The following SORCS2 variants were observed in gnomAD, a reference collection of about 807,000 sequenced individuals.
SORCS2 encodes the protein VPS10 domain-containing receptor SorCS2.
In SORCS2, 100 loss-of-function variants were observed where a neutral mutation model predicts 141.6. That is an observed-to-expected ratio of 0.71 (90% CI 0.60 to 0.83). The LOEUF (loss-of-function observed/expected upper bound fraction) is 0.83, where lower values mean the gene tolerates loss of function less well. Ranked by LOEUF, SORCS2 falls within the 40% of genes least tolerant of loss-of-function variation. The pLI is 0.00. For missense variants in SORCS2, 1,646 were observed against 1,560.2 expected (o/e 1.05, Z -0.93); for synonymous variants, 789 against 676.9 (o/e 1.17, Z -2.57).
intron 3 of SORCS2, among the ~76,000 whole-genome samples, chr4:7,608,896 C>T (rs539271964): frequency 2.0e-5 from 3 of 152,044 alleles, no homozygotes; most frequent in East Asian, 1.9e-4. Context: ...CAAAGGGAGC[C>T]GCTCATATGT....
chr4:7,651,559 C>T (rs536847938), intron 4 of SORCS2, among the ~76,000 whole-genome samples: 2 of 152,278 alleles, frequency 1.3e-5, no homozygotes, highest in African/African-American at 2.4e-5. Context: ...GGGATGGCAC[C>T]GTGCCCAAGA....
intron 1 of SORCS2, among the ~76,000 whole-genome samples, chr4:7,316,753 G>C (rs6850248): frequency 0.6 from 90,602 of 152,032 alleles, 27,078 homozygotes; most frequent in South Asian, 0.72. Flanking sequence ...TGTACAGTTC[G>C]CAGCCATTCT....
chr4:7,482,581 C>T (rs1260304810), intron 2 of SORCS2, among the ~76,000 whole-genome samples: 2 of 89,680 alleles, frequency 2.2e-5, no homozygotes, highest in East Asian at 3.7e-4. Context: ...ATCCCCACTG[C>T]GGACACCCCT....
At chr4:7,649,693 G>A (rs1026703298) in intron 4 of SORCS2, among the ~76,000 whole-genome samples, 3 of 152,148 alleles carry the variant, frequency 2.0e-5, no homozygotes, top group African/African-American at 7.2e-5. Context: ...TTAGGCCCAG[G>A]CGGGCTTCCA....
chr4:7,255,148 C>G (rs2108811484), intron 1 of SORCS2, among the ~76,000 whole-genome samples: 1 of 152,110 alleles, frequency 6.6e-6, no homozygotes, highest in South Asian at 2.1e-4. Flanking sequence ...ATTCACTCAG[C>G]AAGGCACTGA....
At chr4:7,245,992 G>C (rs1713054336) in intron 1 of SORCS2, among the ~76,000 whole-genome samples, 1 of 152,176 alleles carries the variant, frequency 6.6e-6, no homozygotes, top group African/African-American at 2.4e-5. Context: ...GATACTCCCG[G>C]GGTGCATTTT....
intron 1 of SORCS2, among the ~76,000 whole-genome samples, chr4:7,229,063 C>A (rs1160514606): frequency 6.6e-6 from 1 of 152,184 alleles, no homozygotes; most frequent in East Asian, 1.9e-4. Flanking sequence ...TGCACCCAGG[C>A]CCCTTTGATT....
rs1026700781 is a variant in SORCS2, at chr4:7,736,380, G to A, written c.3312-689G>A. On this transcript the variant is annotated intron_variant, in intron 25 of 26. Coordinates refer to ENST00000507866, the MANE Select transcript of SORCS2 (RefSeq NM_020777.3). Reference sequence around the variant, plus strand: ...AGGTCCCGCCCCACCCCATCCTGCCGTTAAAATGTTTCCAGAGGGCTGGCG... The same window carrying A: ...AGGTCCCGCCCCACCCCATCCTGCCATTAAAATGTTTCCAGAGGGCTGGCG... 1.9e-4 allele frequency among the ~76,000 whole-genome samples: 29 copies of A among 152,338 alleles called. 1 individual carries two copies. Among genetic ancestry groups the A allele is most frequent in the Admixed American group, 7.2e-4 (11 of 15,302 alleles).
intron 3 of SORCS2, among the ~76,000 whole-genome samples, chr4:7,619,551 G>A (rs1283477464): frequency 6.6e-6 from 1 of 152,186 alleles, no homozygotes; most frequent in Non-Finnish European, 1.5e-5. Context: ...CCCTGGAATT[G>A]GTATTAGGCA....
At chr4:7,531,211 C>A (rs1161293163) in intron 2 of SORCS2, among the ~76,000 whole-genome samples, 1 of 152,204 alleles carries the variant, frequency 6.6e-6, no homozygotes, top group Non-Finnish European at 1.5e-5. Flanking sequence ...CATGTGGTAA[C>A]CTAGAGCTGC....
chr4:7,612,432 C>T (rs779427650), intron 3 of SORCS2, among the ~76,000 whole-genome samples: 6 of 152,102 alleles, frequency 3.9e-5, no homozygotes, highest in Non-Finnish European at 7.4e-5. Context: ...CGATGGGGGT[C>T]GGGGGTCTGG....
chr4:7,336,847 C>T (rs1224969690), intron 1 of SORCS2, among the ~76,000 whole-genome samples: 1 of 152,154 alleles, frequency 6.6e-6, no homozygotes, highest in African/African-American at 2.4e-5. Flanking sequence ...GGCTGTGTCC[C>T]CACGGAGCTG....
chr4:7,378,399 ATG>A (rs1322282471), intron 1 of SORCS2, among the ~76,000 whole-genome samples: 1 of 121,388 alleles, frequency 8.2e-6, no homozygotes, highest in East Asian at 1.2e-3. Context: ...ACAGTTCCAC[ATG>A]GCTGGGGAGG....
intron 2 of SORCS2, among the ~76,000 whole-genome samples, chr4:7,521,937 G>A (rs964086174): frequency 6.6e-5 from 10 of 152,338 alleles, no homozygotes; most frequent in Admixed American, 5.9e-4. Context: ...GTAAGCAGGG[G>A]ACAAGCTGGA....
At chr4:7,215,594 G>A (rs889796744) in intron 1 of SORCS2, among the ~76,000 whole-genome samples, 16 of 152,282 alleles carry the variant, frequency 1.1e-4, no homozygotes, top group African/African-American at 3.9e-4. Flanking sequence ...CTGGGCTCCT[G>A]AGTCTGGTGG....
At chr4:7,382,492 T>C (rs62280087) in intron 1 of SORCS2, among the ~76,000 whole-genome samples, 39,137 of 151,912 alleles carry the variant, frequency 0.26, 5,176 homozygotes, top group South Asian at 0.3. Context: ...TGATTGCCAG[T>C]CCTCCCTGCC....
intron 2 of SORCS2, among the ~76,000 whole-genome samples, chr4:7,416,398 G>C (rs1725671342): frequency 6.6e-6 from 1 of 152,156 alleles, no homozygotes; most frequent in Non-Finnish European, 1.5e-5. Context: ...TGTGTTCCTG[G>C]AGGGGCTGAG....
At chr4:7,585,569 A>T (rs900689492) in intron 3 of SORCS2, among the ~76,000 whole-genome samples, 5 of 152,238 alleles carry the variant, frequency 3.3e-5, no homozygotes, top group Non-Finnish European at 7.3e-5. Context: ...TACCACTTCA[A>T]GGTATTGTAG....
chr4:7,550,394 A>T (rs1375375385), intron 3 of SORCS2, among the ~76,000 whole-genome samples: 1 of 152,064 alleles, frequency 6.6e-6, no homozygotes, highest in African/African-American at 2.4e-5. Flanking sequence ...TGCAAAAGGA[A>T]ATGGAGCCTC....
Sources: gnomAD v4.1 joint callset for allele counts (sites outside exome capture counted in the v4.1 genomes callset) on GRCh38, gnomAD v4.1.1 for gene constraint, MANE v1.5 for transcripts, NCBI Gene and HGNC (gene_info 2026-07-23, HGNC 2026-07-21) for gene names.